Variants in STRA6 observed in about 807,000 individuals in gnomAD.
The protein encoded by STRA6 is signaling receptor and transporter of retinol STRA6, also known as receptor for retinol uptake STRA6.
Under a neutral mutation model 83.6 loss-of-function variants are expected in STRA6, and 48 were observed. The observed-to-expected ratio is 0.57, with a 90% confidence interval of 0.46 to 0.73. STRA6 has a LOEUF of 0.73. Among genes scored for constraint, STRA6 ranks in the 30% least tolerant of loss-of-function variants. The probability of loss-of-function intolerance (pLI) is 0.00; values close to 1 mark genes in which losing one functional copy is unlikely to be tolerated. For missense variants in STRA6, 760 were observed against 838.8 expected (o/e 0.91, Z 1.16); for synonymous variants, 353 against 362.3 (o/e 0.97, Z 0.29).
At chr15:74,202,632 G>A in intron 1 of STRA6, 81 bp downstream of exon 1, 3 of 1,431,192 alleles carry the variant, frequency 2.1e-6, no homozygotes, top group Non-Finnish European at 2.7e-6. Context: ...TTCAAAGAAG[G>A]CTTGTCCAGT....
intron 14 of STRA6, chr15:74,183,613 C>G: frequency 7.3e-7 from 1 of 1,370,422 alleles, no homozygotes; most frequent in Non-Finnish European, 9.5e-7. Flanking sequence ...TTGGTGGCAC[C>G]CAGGGTTCAT....
At chr15:74,198,532 C>A (rs2073924345) in intron 2 of STRA6, among the ~76,000 whole-genome samples, 1 of 152,220 alleles carries the variant, frequency 6.6e-6, no homozygotes, top group African/African-American at 2.4e-5. Context: ...GAGCACACTA[C>A]CTGGGTCAAG....
At chr15:74,195,829 C>T (rs1290513100) in intron 5 of STRA6, among the ~76,000 whole-genome samples, 154 bp from the exon 6 acceptor site, 1 of 152,226 alleles carries the variant, frequency 6.6e-6, no homozygotes, top group African/African-American at 2.4e-5. Flanking sequence ...AATATGCATA[C>T]TTTGTAGCAT....
chr15:74,197,862 C>G (rs776369496), intron 2 of STRA6, 44 bp from the exon 3 acceptor site: 6 of 1,601,172 alleles, frequency 3.7e-6, no homozygotes, highest in East Asian at 2.2e-5. Flanking sequence ...GTCAGGCCCC[C>G]CTGGGTGTGC....
At chr15:74,190,384 C>T (rs957749891) in intron 11 of STRA6, among the ~76,000 whole-genome samples, 33 of 151,908 alleles carry the variant, frequency 2.2e-4, no homozygotes, top group African/African-American at 6.8e-4. Flanking sequence ...TAATCATACC[C>T]ATCTCCCAGG....
rs567011359 is a variant in STRA6, at chr15:74,196,237, T to A, written c.267-90A>T. On this transcript the variant is annotated intron_variant, in intron 4 of 18. Transcript: ENST00000395105. ...AGCTGTATTCCATAAATCAAGGAGG[T>A]GGAGTCAGTCCCACTTTCTAGATGG... 1.7e-5 allele frequency: 27 copies of A among 1,561,650 alleles called. No individual in the cohort carries two copies. In the South Asian group the frequency reaches 2.9e-4, roughly 17 times the overall value.
chr15:74,208,863 T>C, exon 1 of STRA6: 1 of 989,630 alleles, frequency 1.0e-6, no homozygotes, highest in Non-Finnish European at 1.2e-6. Flanking sequence ...TATTGATCTC[T>C]CCCGGAAACT....
intron 7 of STRA6, chr15:74,194,570 C>A: frequency 2.1e-6 from 1 of 465,698 alleles, no homozygotes; most frequent in Admixed American, 4.3e-5. Context: ...CACTGTTTCC[C>A]CAAGGCACTT....
chr15:74,204,038 G>A (rs2074194827), upstream of STRA6, among the ~76,000 whole-genome samples: 1 of 152,190 alleles, frequency 6.6e-6, no homozygotes, highest in Non-Finnish European at 1.5e-5. Context: ...TAGGGGCTGA[G>A]CACCCTGCTA....
In STRA6 at chr15:74,179,992, T is replaced by G; in HGVS notation, c.*88A>C. 1.9e-6 allele frequency: 3 copies of G among 1,543,186 alleles called. No individual in the cohort carries two copies. Among genetic ancestry groups the G allele is most frequent in the Non-Finnish European group, 2.7e-6 (3 of 1,129,384 alleles). Reference sequence around the variant, plus strand: ...CCTGCTGGCTGCATGGCTGGTGTGATGCTGGGAGGAGAGCCGGGGAGGGAG... The same window carrying G: ...CCTGCTGGCTGCATGGCTGGTGTGAGGCTGGGAGGAGAGCCGGGGAGGGAG... On this transcript the variant is annotated 3_prime_UTR_variant, in exon 19 of 19. Coordinates refer to ENST00000395105, the MANE Select transcript of STRA6 (RefSeq NM_022369.4).
At chr15:74,203,209 C>A (rs539095446), upstream of STRA6, 2 of 972,786 alleles carry the variant, frequency 2.1e-6, no homozygotes, top group South Asian at 9.6e-5. Context: ...ATTGGTAAAC[C>A]CTTTTTGTTC....
chr15:74,184,294 T>C (rs1595828247), intron 13 of STRA6, among the ~76,000 whole-genome samples: 1 of 152,178 alleles, frequency 6.6e-6, no homozygotes, highest in East Asian at 1.9e-4. Context: ...AGCCAACAGG[T>C]AAAGAGGCAA....
Position 74,197,887 on chromosome 15 carries a change from T to A in STRA6, c.114-69A>T. 4 of 1,507,260 alleles carry A rather than the reference T, an allele frequency of 2.7e-6. No homozygotes were observed. In the Admixed American group the frequency reaches 7.0e-5, roughly 26 times the overall value. The allele number at this position is 1,507,260 out of a possible 1,614,324, so 93.4% of individuals were successfully genotyped here. ...CCTGGGTGTGCAGATGGGTCTGGGG[T>A]TCAAGACTGTTCACACTGAGGCTTT... On this transcript the variant is annotated intron_variant, in intron 2 of 18. Coordinates refer to ENST00000395105, the MANE Select transcript of STRA6 (RefSeq NM_022369.4).
chr15:74,191,000 T>C (rs1197608876), intron 10 of STRA6, 99 bp from the exon 11 acceptor site: 1 of 1,586,956 alleles, frequency 6.3e-7, no homozygotes, highest in Admixed American at 1.8e-5. Flanking sequence ...AGCAGGACCC[T>C]AAATGACCAA....
At chr15:74,190,042 T>C (rs533295138) in intron 11 of STRA6, among the ~76,000 whole-genome samples, 1 of 152,208 alleles carries the variant, frequency 6.6e-6, no homozygotes, top group Non-Finnish European at 1.5e-5. Flanking sequence ...AGAATGTGTG[T>C]AGGCTATATG....
Position 74,202,193 on chromosome 15 carries a change from G to C in STRA6, c.75C>G (p.Ile25Met). Residue 25 changes from isoleucine (I) to methionine (M), a missense_variant, in exon 2 of 19, where the codon ATC (isoleucine) becomes ATG (methionine). Transcript: ENST00000395105. ...TEDYSYGSWY[I>M]DEPQGGEELQ... ...GCTCCTCGCCCCCCTGGGGCTCATC[G>C]ATGTACCAGCTGCCATAGGAGTAGT... 6.6e-7 allele frequency: 1 copy of C among 1,517,316 alleles called. No homozygotes were observed. Among genetic ancestry groups the C allele is most frequent in the Non-Finnish European group, 8.8e-7 (1 of 1,135,946 alleles). The allele number at this position is 1,517,316 out of a possible 1,614,324, so 94.0% of individuals were successfully genotyped here. A position where few individuals can be genotyped will look rare whatever the true frequency, so the allele number is the denominator to read the frequency against.
intron 13 of STRA6, among the ~76,000 whole-genome samples, chr15:74,184,685 T>C (rs1016019038): frequency 1.3e-5 from 2 of 152,156 alleles, no homozygotes; most frequent in African/African-American, 4.8e-5. Flanking sequence ...TTCCCTCTCA[T>C]CCAGCCCACC....
chr15:74,197,267 T>C, intron 4 of STRA6, 71 bp downstream of exon 4: 5 of 1,145,024 alleles, frequency 4.4e-6, no homozygotes, highest in Non-Finnish European at 6.4e-6. Context: ...ACCTAACAAA[T>C]CACCCACCCT....
In STRA6 at chr15:74,189,115, C is replaced by T; in HGVS notation, c.1090G>A (p.Val364Met). 6.2e-7 allele frequency: 1 copy of T among 1,614,092 alleles called. No individual in the cohort carries two copies. Among genetic ancestry groups the T allele is most frequent in the Non-Finnish European group, 8.5e-7 (1 of 1,180,020 alleles). The change falls in exon 12 of 19, where the codon GTG becomes ATG. Residue 364 changes from valine to methionine, a missense_variant and splice_region_variant. Transcript: ENST00000395105. The part of the protein sequence containing the change: ...LVKHHLWALE[V>M]CYISALVLSC... Reference sequence around the variant, plus strand: ...CTCAGGGGCTCCCTGGAGGCCTCACCTTCCAGAGCCCACAGATGGTGCTTC... The same window carrying T: ...CTCAGGGGCTCCCTGGAGGCCTCACTTTCCAGAGCCCACAGATGGTGCTTC...
Sources: allele counts gnomAD v4.1 joint callset (sites outside exome capture counted in the v4.1 genomes callset), GRCh38; gene constraint gnomAD v4.1.1; transcripts MANE v1.5; gene names NCBI Gene and HGNC (gene_info 2026-07-23, HGNC 2026-07-21).